Variants in MYO1E observed in about 807,000 individuals in gnomAD.
The protein encoded by MYO1E is unconventional myosin-Ie.
Under a neutral mutation model 151.1 loss-of-function variants are expected in MYO1E, and 68 were observed. That is an observed-to-expected ratio of 0.45 (90% confidence interval 0.37 to 0.55). The LOEUF is 0.55. Ranked by LOEUF, MYO1E falls within the 20% of genes least tolerant of loss-of-function variation. The pLI is 0.00. For missense variants in MYO1E, 1,363 were observed against 1,389.3 expected (o/e 0.98, Z 0.30); for synonymous variants, 601 against 501.7 (o/e 1.20, Z -2.64).
intron 1 of MYO1E, among the ~76,000 whole-genome samples, chr15:59,366,731 T>C (rs563787794): frequency 5.4e-4 from 82 of 152,270 alleles, no homozygotes; most frequent in African/African-American, 1.9e-3. Flanking sequence ...AAAAATACTT[T>C]GCTAGGATGC....
intron 4 of MYO1E, among the ~76,000 whole-genome samples, chr15:59,237,568 A>C (rs561679426): frequency 6.6e-6 from 1 of 152,212 alleles, no homozygotes; most frequent in African/African-American, 2.4e-5. Flanking sequence ...AAAGAACCCC[A>C]TATCATATAA....
chr15:59,145,087 C>T (rs969919881), intron 26 of MYO1E, among the ~76,000 whole-genome samples: 4 of 152,186 alleles, frequency 2.6e-5, no homozygotes, highest in African/African-American at 2.4e-5. Context: ...AACTGATCCA[C>T]CTGCCTCAGC....
intron 4 of MYO1E, among the ~76,000 whole-genome samples, chr15:59,256,050 G>A (rs546431080): frequency 6.6e-6 from 1 of 152,298 alleles, no homozygotes; most frequent in South Asian, 2.1e-4. Flanking sequence ...GTGAAAACAT[G>A]TTTATTATAC....
intron 1 of MYO1E, among the ~76,000 whole-genome samples, chr15:59,341,671 A>T (rs1442071957): frequency 6.6e-6 from 1 of 152,198 alleles, no homozygotes; most frequent in African/African-American, 2.4e-5. Flanking sequence ...GCAAATGACA[A>T]ATGACAGGGT....
In MYO1E at chr15:59,326,887, T is replaced by C. The variant is rs141361153; in HGVS notation, c.3+45611A>G. Among the ~76,000 whole-genome samples the C allele has an allele frequency of 3.8e-3, 582 of 152,280 alleles. 7 individuals carry two copies. Among genetic ancestry groups the C allele is most frequent in the Middle Eastern group, 0.017 (5 of 294 alleles). On this transcript the variant is annotated intron_variant, in intron 1 of 27. Transcript: ENST00000288235. ...TCTTATGGGCTGAGTGACCAAGACCTGCCCCCTGCCCCCGACTCTACTGTA... is the reference window on the plus strand; with the variant it reads ...TCTTATGGGCTGAGTGACCAAGACCCGCCCCCTGCCCCCGACTCTACTGTA...
chr15:59,192,180 A>G (rs2079738221), intron 17 of MYO1E, among the ~76,000 whole-genome samples: 1 of 151,798 alleles, frequency 6.6e-6, no homozygotes, highest in Non-Finnish European at 1.5e-5. Flanking sequence ...AATCCCAGAA[A>G]GCGGTCTTAC....
Position 59,153,777 on chromosome 15 carries a change from C to T in MYO1E, c.2893G>A (p.Gly965Arg), listed in dbSNP as rs765700019. Residue 965 changes from glycine (G) to arginine (R), a missense_variant, in exon 26 of 28, where the codon GGA becomes AGA. Gly to Arg is a moderately radical substitution (Grantham distance 125). Transcript: ENST00000288235. ...APPPPGYHQN[G>R]VIRNQYVPYP... ...GGCACATACTGGTTTCTGATGACTCCGTTCTGATGGTATCCTAGAGAGAGG... is the reference window on the plus strand; with the variant it reads ...GGCACATACTGGTTTCTGATGACTCTGTTCTGATGGTATCCTAGAGAGAGG... 46 of 1,613,356 alleles carry T rather than the reference C, an allele frequency of 2.9e-5. No homozygotes were observed. The highest frequency in any genetic ancestry group is 6.7e-5 in the Admixed American group (4 of 59,986).
chr15:59,270,436 G>A (rs1375224510), intron 2 of MYO1E, among the ~76,000 whole-genome samples: 1 of 151,476 alleles, frequency 6.6e-6, no homozygotes, highest in Admixed American at 6.6e-5. Flanking sequence ...CCAGCTACTT[G>A]GGAGGCTGAG....
At chr15:59,354,126 G>C (rs2080840591) in intron 1 of MYO1E, among the ~76,000 whole-genome samples, 1 of 152,104 alleles carries the variant, frequency 6.6e-6, no homozygotes, top group Admixed American at 6.6e-5. Context: ...CAAAACCAAG[G>C]GAAATGACAA....
chr15:59,232,352 G>T (rs2080033435), intron 5 of MYO1E, among the ~76,000 whole-genome samples: 1 of 152,244 alleles, frequency 6.6e-6, no homozygotes, highest in Non-Finnish European at 1.5e-5. Flanking sequence ...GACTTAGTAG[G>T]TTGGGGTAGG....
chr15:59,200,103 C>G lies in MYO1E; in HGVS notation c.1698+2223G>C, dbSNP rs371465537. Among the ~76,000 whole-genome samples, 5 of 152,208 alleles carry G rather than the reference C, an allele frequency of 3.3e-5. No homozygotes were observed. The East Asian group carries it at 9.7e-4, about 29-fold the overall frequency. ...CAATGGTGGCACTTTGAGCCTTCAACCAGACAAGCATACGAAGGAAAGAAA... is the reference window on the plus strand; with the variant it reads ...CAATGGTGGCACTTTGAGCCTTCAAGCAGACAAGCATACGAAGGAAAGAAA... On this transcript the variant is annotated intron_variant, in intron 16 of 27. Coordinates refer to ENST00000288235, the MANE Select transcript of MYO1E (RefSeq NM_004998.4).
At chr15:59,334,252 C>G (rs1763354522) in intron 1 of MYO1E, among the ~76,000 whole-genome samples, 1 of 152,026 alleles carries the variant, frequency 6.6e-6, no homozygotes, top group African/African-American at 2.4e-5. Context: ...TCACTGCACT[C>G]CAGCCTGGGT....
At chr15:59,158,057 G>C (rs887694171) in intron 25 of MYO1E, among the ~76,000 whole-genome samples, 1 of 152,190 alleles carries the variant, frequency 6.6e-6, no homozygotes, top group East Asian at 1.9e-4. Flanking sequence ...ATATTTCGAG[G>C]TAATGAAATC....
At chr15:59,297,876 G>C (rs2080460178) in intron 1 of MYO1E, among the ~76,000 whole-genome samples, 1 of 152,086 alleles carries the variant, frequency 6.6e-6, no homozygotes, top group Admixed American at 6.6e-5. Flanking sequence ...GTTTTCCTTT[G>C]TCTTTTATGA....
chr15:59,345,703 T>C (rs1192501128), intron 1 of MYO1E, among the ~76,000 whole-genome samples: 1 of 152,236 alleles, frequency 6.6e-6, no homozygotes, highest in Non-Finnish European at 1.5e-5. Flanking sequence ...ACAGCTGGCA[T>C]GCCCTGACTC....
At chr15:59,223,305 G>A (rs1270270925) in intron 8 of MYO1E, 114 bp from the exon 9 acceptor site, 6 of 1,132,582 alleles carry the variant, frequency 5.3e-6, no homozygotes, top group Middle Eastern at 2.5e-4. Context: ...AAGTACAGAC[G>A]AGTTACAAAG....
chr15:59,220,449 A>T (rs1211612291), intron 9 of MYO1E, among the ~76,000 whole-genome samples: 1 of 152,258 alleles, frequency 6.6e-6, no homozygotes, highest in Non-Finnish European at 1.5e-5. Flanking sequence ...ACTCTGTCTC[A>T]AAACAAAAAC....
intron 26 of MYO1E, among the ~76,000 whole-genome samples, chr15:59,141,790 T>G (rs1464985724): frequency 1.5e-5 from 2 of 137,758 alleles, no homozygotes; most frequent in African/African-American, 2.8e-5. Context: ...AGAGTAAGAC[T>G]TTGTCTCAAA....
At chr15:59,189,758 G>A (rs1054742350) in intron 17 of MYO1E, among the ~76,000 whole-genome samples, 5 of 152,078 alleles carry the variant, frequency 3.3e-5, no homozygotes, top group South Asian at 2.1e-4. Context: ...GTCTTTTTTC[G>A]TAGAGACGGG....
Sources: allele counts gnomAD v4.1 joint callset (sites outside exome capture counted in the v4.1 genomes callset), GRCh38; gene constraint gnomAD v4.1.1; transcripts MANE v1.5; gene names NCBI Gene and HGNC (gene_info 2026-07-23, HGNC 2026-07-21).